The following PLA2R1 variants were observed in gnomAD, a reference collection of about 807,000 sequenced individuals.
PLA2R1 encodes the protein secretory phospholipase A2 receptor.
A neutral mutation model predicts 195.9 loss-of-function variants in PLA2R1; 158 were observed. The ratio of observed to expected loss-of-function variants is 0.81; its 90% confidence interval spans 0.71 to 0.92. PLA2R1 has a LOEUF of 0.92. Among genes scored for constraint, PLA2R1 ranks in the 40% least tolerant of loss-of-function variants. PLA2R1 has a pLI of 0.00. For synonymous variants in PLA2R1, 586 were observed against 598.2 expected (o/e 0.98, Z 0.30); for missense variants, 1,626 against 1,764.6 (o/e 0.92, Z 1.41).
chr2:159,964,601 T>C (rs1281446605), intron 20 of PLA2R1, among the ~76,000 whole-genome samples: 4 of 152,178 alleles, frequency 2.6e-5, no homozygotes, highest in Non-Finnish European at 5.9e-5. Flanking sequence ...GTGTACCTCA[T>C]TACTATAGTA....
At chr2:159,974,443 CT>C (rs1426984411) in intron 17 of PLA2R1, among the ~76,000 whole-genome samples, 1 of 152,116 alleles carries the variant, frequency 6.6e-6, no homozygotes, top group Non-Finnish European at 1.5e-5. Flanking sequence ...ATCATAGTAC[CT>C]GAAACAGTTA....
intron 1 of PLA2R1, among the ~76,000 whole-genome samples, chr2:160,054,202 G>A (rs145493728): frequency 0.02 from 3,080 of 152,248 alleles, 346 homozygotes; most frequent in Admixed American, 0.18. Flanking sequence ...TTGGGAGGCC[G>A]GGGCTGGAGG....
intron 13 of PLA2R1, among the ~76,000 whole-genome samples, chr2:159,982,688 T>C (rs1211330794): frequency 6.6e-6 from 1 of 152,190 alleles, no homozygotes; most frequent in African/African-American, 2.4e-5. Context: ...AATAATCTGA[T>C]AGATGTTGCA....
chr2:160,054,591 T>C (rs984866447), intron 1 of PLA2R1, among the ~76,000 whole-genome samples: 1 of 152,234 alleles, frequency 6.6e-6, no homozygotes, highest in Non-Finnish European at 1.5e-5. Flanking sequence ...GTATCATAAA[T>C]TAAAAAGCCA....
At position 160,033,865 on chromosome 2, in the gene PLA2R1, T is replaced by C. The variant is rs142586270; in HGVS notation, c.668-733A>G. On this transcript the variant is annotated intron_variant, in intron 3 of 29. Transcript: ENST00000283243. ...AAGGTGAACTAAGTAGCCACAATAA[T>C]GACCGGAAACCAAACTCAGACAGAG... Among the ~76,000 whole-genome samples, 70 of 152,302 alleles carry C rather than the reference T, an allele frequency of 4.6e-4. 1 individual carries two copies. Among genetic ancestry groups the C allele is most frequent in the African/African-American group, 1.7e-3 (70 of 41,574 alleles).
Position 159,959,712 on chromosome 2 carries a change from C to T in PLA2R1, c.2905-3085G>A, listed in dbSNP as rs1323574360. On this transcript the variant is annotated intron_variant, in intron 20 of 29. Transcript: ENST00000283243. ...GTGTTCCTACTCACAATGAATGGCA[C>T]GGTCTGCATGCACTTATACACATAC... 5.9e-5 allele frequency among the ~76,000 whole-genome samples: 9 copies of T among 152,120 alleles called. No homozygotes were observed. In the South Asian group the frequency reaches 1.5e-3, roughly 25 times the overall value.
At chr2:160,002,118 A>T (rs1412497981) in intron 11 of PLA2R1, among the ~76,000 whole-genome samples, 1 of 151,898 alleles carries the variant, frequency 6.6e-6, no homozygotes, top group Non-Finnish European at 1.5e-5. Flanking sequence ...TCTTGACCAC[A>T]GTGCAATTAA....
intron 11 of PLA2R1, among the ~76,000 whole-genome samples, chr2:160,001,268 T>C (rs1237058680): frequency 1.3e-5 from 2 of 152,058 alleles, no homozygotes; most frequent in Non-Finnish European, 2.9e-5. Context: ...AGAATGCATG[T>C]TGAATAGCTA....
chr2:159,966,442 A>G (rs1688793759), intron 20 of PLA2R1, among the ~76,000 whole-genome samples: 1 of 152,190 alleles, frequency 6.6e-6, no homozygotes, highest in Non-Finnish European at 1.5e-5. Context: ...CAAGATGGAA[A>G]AGGTCTGGAG....
In PLA2R1 at chr2:160,001,279, G is replaced by C. The variant is rs78290414; in HGVS notation, c.1834+4373C>G. Among the ~76,000 whole-genome samples the C allele has an allele frequency of 3.0e-3, 463 of 152,106 alleles. 1 individual carries two copies. The highest frequency in any genetic ancestry group is 0.011 in the African/African-American group (437 of 41,528). The stretch of plus-strand genomic sequence containing the variant: ...GTTAAGAATGCATGTTGAATAGCTA[G>C]TGTAACAAATAAAAAAATAGATTTA... On this transcript the variant is annotated intron_variant, in intron 11 of 29. Transcript: ENST00000283243.
intron 20 of PLA2R1, 140 bp downstream of exon 20, chr2:159,967,399 T>A (rs1688859367): frequency 1.6e-6 from 1 of 639,616 alleles, no homozygotes; most frequent in Non-Finnish European, 2.6e-6. Context: ...AAACTCAAAT[T>A]TCTTGAAAGT....
chr2:159,942,112 T>C lies in PLA2R1; in HGVS notation c.4177+15A>G, dbSNP rs566496709. 3 of 1,607,662 alleles carry C rather than the reference T, an allele frequency of 1.9e-6. No individual in the cohort carries two copies. The highest frequency in any genetic ancestry group is 2.2e-5 in the East Asian group (1 of 44,838). On this transcript the variant is annotated intron_variant, in intron 29 of 29. Coordinates refer to ENST00000283243, the MANE Select transcript of PLA2R1 (RefSeq NM_007366.5). ...CTAAGAAAAATCAAAATGTTTTGTA[T>C]GGTTTCAAACGTACCTTTTTCTGGC...
At position 160,033,058 on chromosome 2, in the gene PLA2R1, G is replaced by C. The variant is rs375397713; in HGVS notation, c.742C>G (p.Leu248Val). Residue 248 changes from leucine (L) to valine (V), a missense_variant, in exon 4 of 30, where the codon CTT (leucine) becomes GTT (valine). Physicochemically the swap from Leu to Val is conservative, Grantham distance 32 (BLOSUM62 1). Transcript: ENST00000283243. ...GCCTCACTCCAAGAGAGAGATGAAA[G>C]CAGGTTGAACTGGTAGCAAATGTGT... ...NSHICYQFNLLSSLSWSEAHS... is the reference protein window; with the variant it reads ...NSHICYQFNLVSSLSWSEAHS... 1 of 1,613,364 alleles carries C rather than the reference G, an allele frequency of 6.2e-7. No individual in the cohort carries two copies. The highest frequency in any genetic ancestry group is 8.5e-7 in the Non-Finnish European group (1 of 1,179,446).
At chr2:160,020,625 G>T (rs1052630954) in intron 7 of PLA2R1, among the ~76,000 whole-genome samples, 3 of 152,084 alleles carry the variant, frequency 2.0e-5, no homozygotes, top group African/African-American at 7.2e-5. Flanking sequence ...TATAAGAGGA[G>T]GAAGAGAGAC....
chr2:159,931,057 C>G (rs1357794705), downstream of PLA2R1, among the ~76,000 whole-genome samples: 1 of 152,216 alleles, frequency 6.6e-6, no homozygotes, highest in Admixed American at 6.5e-5. Context: ...ACACGAACAG[C>G]TGAAGCCGCA....
At chr2:159,958,279 C>A (rs888236632) in intron 20 of PLA2R1, among the ~76,000 whole-genome samples, 22 of 152,066 alleles carry the variant, frequency 1.4e-4, no homozygotes, top group African/African-American at 4.8e-4. Flanking sequence ...CTTGCTCTTG[C>A]CATGTGACAT....
intron 29 of PLA2R1, 48 bp downstream of exon 29, chr2:159,942,079 T>C: frequency 5.0e-6 from 8 of 1,590,482 alleles, no homozygotes; most frequent in Non-Finnish European, 6.9e-6. Flanking sequence ...CTTTCTATCT[T>C]ATTATTTCTA....
chr2:159,955,876 T>C (rs1410563036), intron 21 of PLA2R1, 48 bp from the exon 22 acceptor site: 6 of 1,262,652 alleles, frequency 4.8e-6, no homozygotes, highest in Non-Finnish European at 5.6e-6. Context: ...AGAAAGCATT[T>C]GGGTAATCAC....
chr2:160,058,709 G>A (rs959807024), intron 1 of PLA2R1, among the ~76,000 whole-genome samples: 2 of 151,964 alleles, frequency 1.3e-5, no homozygotes, highest in African/African-American at 4.8e-5. Context: ...TAGAAGAAGG[G>A]CTCAGATTCT....
Sources: gnomAD v4.1 joint callset for allele counts (sites outside exome capture counted in the v4.1 genomes callset) on GRCh38, gnomAD v4.1.1 for gene constraint, MANE v1.5 for transcripts, NCBI Gene and HGNC (gene_info 2026-07-23, HGNC 2026-07-21) for gene names.